ATAD2B: variants seen among roughly 807,000 people sequenced by gnomAD.
ATAD2B encodes ATPase family AAA domain-containing protein 2B.
A neutral mutation model predicts 167.6 loss-of-function variants in ATAD2B; 40 were observed. The observed-to-expected ratio is 0.24, with a 90% confidence interval of 0.19 to 0.31. The LOEUF is 0.31. Ranked by LOEUF, ATAD2B falls within the 10% of genes least tolerant of loss-of-function variation. The probability of loss-of-function intolerance (pLI) is 1.00; values close to 1 mark genes in which losing one functional copy is unlikely to be tolerated. For missense variants in ATAD2B, 1,242 were observed against 1,757.2 expected, an observed-to-expected ratio of 0.71 and a Z score of 5.24; for synonymous variants, 579 against 596.5, an observed-to-expected ratio of 0.97 and a Z score of 0.43.
At chr2:23,851,212 G>A (rs1311841294) in intron 13 of ATAD2B, among the ~76,000 whole-genome samples, 1 of 152,134 alleles carries the variant, frequency 6.6e-6, no homozygotes, top group Non-Finnish European at 1.5e-5. Flanking sequence ...TGGCACGATT[G>A]TGGCTCACTG....
chr2:23,853,962 T>C (rs1036952313), intron 13 of ATAD2B, among the ~76,000 whole-genome samples: 18 of 152,242 alleles, frequency 1.2e-4, no homozygotes, highest in South Asian at 2.1e-4. Context: ...TATAAAAAAA[T>C]AGGCTGGGCA....
chr2:23,830,581 A>T (rs1688893658), intron 14 of ATAD2B, among the ~76,000 whole-genome samples: 1 of 152,180 alleles, frequency 6.6e-6, no homozygotes, highest in South Asian at 2.1e-4. Context: ...TTGCTCAAAA[A>T]GTTGACAAAA....
At chr2:23,687,599 C>G in the ATAD2B span, among the ~76,000 whole-genome samples, 1 of 152,136 alleles carries the variant, frequency 6.6e-6, no homozygotes, top group Non-Finnish European at 1.5e-5. Flanking sequence ...GGCAAGGAGA[C>G]GAGCAGAGAC....
At chr2:23,835,738 C>T (rs1373049006) in intron 13 of ATAD2B, among the ~76,000 whole-genome samples, 2 of 152,100 alleles carry the variant, frequency 1.3e-5, no homozygotes, top group Non-Finnish European at 2.9e-5. Context: ...GAATTCGAGA[C>T]CAGCCTGGCC....
intron 6 of ATAD2B, among the ~76,000 whole-genome samples, chr2:23,882,257 A>G (rs1009159974): frequency 6.6e-6 from 1 of 151,408 alleles, no homozygotes; most frequent in Non-Finnish European, 1.5e-5. Flanking sequence ...GCTGGAGTGC[A>G]TGATCTTGGC....
chr2:23,733,761 C>G, the ATAD2B span, among the ~76,000 whole-genome samples: 1 of 152,172 alleles, frequency 6.6e-6, no homozygotes, highest in Non-Finnish European at 1.5e-5. Flanking sequence ...GATTCTACCT[C>G]TAAATTTCCT....
chr2:23,793,046 C>T (rs1174055105), intron 19 of ATAD2B, among the ~76,000 whole-genome samples: 1 of 148,066 alleles, frequency 6.8e-6, no homozygotes, highest in East Asian at 2.0e-4. Context: ...GTTTTATTAC[C>T]AAAATATTAA....
the ATAD2B span, among the ~76,000 whole-genome samples, chr2:23,683,884 A>G: frequency 1.3e-5 from 2 of 152,080 alleles, no homozygotes; most frequent in African/African-American, 2.4e-5. Context: ...CTCCCACGCC[A>G]TGGCTGTGAG....
At chr2:23,680,630 G>C in the ATAD2B span, among the ~76,000 whole-genome samples, 9 of 152,022 alleles carry the variant, frequency 5.9e-5, no homozygotes, top group Non-Finnish European at 1.0e-4. This position sits in a 1 kb window ranked among gnomAD's most constrained non-coding sequence, Gnocchi z 4.1. Flanking sequence ...GGGCTCTCTA[G>C]GCCATCTTCT....
At chr2:23,880,782 G>A (rs1558720548) in intron 6 of ATAD2B, 27 bp from the exon 7 acceptor site, 4 of 1,316,926 alleles carry the variant, frequency 3.0e-6, no homozygotes, top group Admixed American at 2.0e-5. Context: ...AAAAAGAAAA[G>A]AAAAAGGCAT....
intron 22 of ATAD2B, among the ~76,000 whole-genome samples, chr2:23,779,483 G>A (rs1340840631): frequency 1.3e-5 from 2 of 151,894 alleles, no homozygotes; most frequent in Admixed American, 1.3e-4. Flanking sequence ...CCCGCTGCTG[G>A]TATAATTTTT....
the ATAD2B span, among the ~76,000 whole-genome samples, chr2:23,740,546 G>GT: frequency 6.6e-6 from 1 of 151,876 alleles, no homozygotes; most frequent in African/African-American, 2.4e-5. Flanking sequence ...TTGATGGGAC[G>GT]TATCTCAAAA....
chr2:23,879,508 G>A (rs1038778120), intron 7 of ATAD2B, among the ~76,000 whole-genome samples: 3 of 152,130 alleles, frequency 2.0e-5, no homozygotes, highest in Non-Finnish European at 4.4e-5. Flanking sequence ...ACAAGGAATT[G>A]AGGTAGGAGG....
intron 13 of ATAD2B, among the ~76,000 whole-genome samples, chr2:23,855,129 G>A (rs1693179634): frequency 1.3e-5 from 2 of 151,828 alleles, no homozygotes; most frequent in African/African-American, 4.8e-5. Flanking sequence ...GGGGTGCGGA[G>A]GTTGCAGTGA....
At chr2:23,767,321 CAGG>C (rs1221696369) in intron 22 of ATAD2B, among the ~76,000 whole-genome samples, 2 of 152,160 alleles carry the variant, frequency 1.3e-5, no homozygotes, top group Non-Finnish European at 2.9e-5. Flanking sequence ...CCCTAGCCAA[CAGG>C]AGAAGGACAC....
At chr2:23,743,125 G>C in the ATAD2B span, among the ~76,000 whole-genome samples, 4 of 149,742 alleles carry the variant, frequency 2.7e-5, no homozygotes, top group South Asian at 8.5e-4. Context: ...CAAGAGAAAG[G>C]TGAAGGATGT....
At chr2:23,692,544 G>T in the ATAD2B span, among the ~76,000 whole-genome samples, 1 of 152,210 alleles carries the variant, frequency 6.6e-6, no homozygotes, top group Admixed American at 6.5e-5. Context: ...GGGCAGATCC[G>T]TGAGGACAGA....
At chr2:23,803,475 T>C (rs1220864151) in intron 18 of ATAD2B, among the ~76,000 whole-genome samples, 2 of 152,214 alleles carry the variant, frequency 1.3e-5, no homozygotes, top group Non-Finnish European at 2.9e-5. Context: ...TACAGATTCC[T>C]GGGACTCATT....
At chr2:23,849,813 T>C (rs1692273209) in intron 13 of ATAD2B, among the ~76,000 whole-genome samples, 1 of 151,642 alleles carries the variant, frequency 6.6e-6, no homozygotes, top group South Asian at 2.1e-4. Flanking sequence ...GGCGACAGAG[T>C]GAGACTCCGT....
Sources: allele counts gnomAD v4.1 joint callset (sites outside exome capture counted in the v4.1 genomes callset), GRCh38; gene constraint gnomAD v4.1.1; non-coding constraint Gnocchi (gnomAD v3.1); transcripts MANE v1.5; gene names NCBI Gene and HGNC (gene_info 2026-07-23, HGNC 2026-07-21).